TYW1B: variants seen among roughly 807,000 people sequenced by gnomAD.
The protein encoded by TYW1B is tRNA-yW synthesizing protein 1 homolog B.
A neutral mutation model predicts 86.9 loss-of-function variants in TYW1B; 73 were observed. That is an observed-to-expected ratio of 0.84 (90% CI 0.70 to 1.02). The LOEUF (loss-of-function observed/expected upper bound fraction) is 1.02, where lower values mean the gene tolerates loss of function less well. TYW1B is among the 50% of genes least tolerant of loss of function. The pLI, the probability that TYW1B is intolerant of heterozygous loss-of-function variation, is 0.00. For synonymous variants in TYW1B, 248 were observed against 292.8 expected (o/e 0.85, Z 1.56); for missense variants, 637 against 827.4 (o/e 0.77, Z 2.82).
chr7:72,775,461 A>T (rs1237685920), intron 7 of TYW1B, among the ~76,000 whole-genome samples: 1 of 152,196 alleles, frequency 6.6e-6, no homozygotes, highest in African/African-American at 2.4e-5. Flanking sequence ...AACAAACAAA[A>T]GGATGACTGC....
chr7:72,576,713 C>G (rs1237249671), intron 13 of TYW1B, among the ~76,000 whole-genome samples: 1 of 151,990 alleles, frequency 6.6e-6, no homozygotes, highest in African/African-American at 2.4e-5. Context: ...GGGGTTTCAC[C>G]GTGTTAGCCA....
At chr7:72,655,960 C>T (rs1813191899) in intron 11 of TYW1B, among the ~76,000 whole-genome samples, 1 of 152,198 alleles carries the variant, frequency 6.6e-6, no homozygotes, top group African/African-American at 2.4e-5. Context: ...CCTAAGAACC[C>T]ACAGGCCCAG....
chr7:72,630,835 G>A (rs551165620), intron 11 of TYW1B, among the ~76,000 whole-genome samples: 5 of 152,148 alleles, frequency 3.3e-5, no homozygotes, highest in South Asian at 2.1e-4. Context: ...TCCTTCCAAT[G>A]CCAAAAGCTA....
chr7:72,688,980 A>T (rs577951972), intron 11 of TYW1B, among the ~76,000 whole-genome samples: 2 of 152,350 alleles, frequency 1.3e-5, no homozygotes, highest in African/African-American at 4.8e-5. Flanking sequence ...ATAACATTTT[A>T]GCTAAGCAGA....
chr7:72,599,683 G>C (rs1311849706), intron 13 of TYW1B, among the ~76,000 whole-genome samples: 4 of 152,042 alleles, frequency 2.6e-5, no homozygotes, highest in African/African-American at 9.7e-5. Context: ...GGTGATTATA[G>C]CAAGGTTGTA....
At chr7:72,696,416 T>C (rs1412261908) in intron 10 of TYW1B, among the ~76,000 whole-genome samples, 8 of 152,232 alleles carry the variant, frequency 5.3e-5, no homozygotes, top group Non-Finnish European at 8.8e-5. Context: ...TTATTCCACA[T>C]TTCCACCTAG....
At chr7:72,785,777 T>C (rs201926179) in intron 6 of TYW1B, among the ~76,000 whole-genome samples, 4 of 152,118 alleles carry the variant, frequency 2.6e-5, no homozygotes, top group African/African-American at 4.8e-5. Flanking sequence ...TGGATGATCA[T>C]GCGGAAAGCA....
At chr7:72,787,416 T>A (rs1447847386) in intron 6 of TYW1B, among the ~76,000 whole-genome samples, 4 of 151,270 alleles carry the variant, frequency 2.6e-5, no homozygotes, top group Non-Finnish European at 4.4e-5. Flanking sequence ...TGAGCCAAGA[T>A]TGCACCACTG....
intron 11 of TYW1B, among the ~76,000 whole-genome samples, chr7:72,653,235 A>C (rs1305392666): frequency 2.6e-5 from 4 of 152,232 alleles, no homozygotes; most frequent in Non-Finnish European, 4.4e-5. Context: ...TTGGCTCTGG[A>C]AAAATAAAAT....
intron 9 of TYW1B, among the ~76,000 whole-genome samples, chr7:72,714,715 C>G (rs1327724179): frequency 6.6e-6 from 1 of 152,174 alleles, no homozygotes; most frequent in Admixed American, 6.5e-5. Flanking sequence ...GTCAGGAGTT[C>G]AACACCAGCC....
intron 7 of TYW1B, among the ~76,000 whole-genome samples, chr7:72,770,851 C>G (rs1242928106): frequency 2.0e-5 from 3 of 151,652 alleles, no homozygotes; most frequent in African/African-American, 7.3e-5. Context: ...ACTACTGATG[C>G]ATGTTACATG....
At chr7:72,711,327 A>G (rs1298375480) in intron 10 of TYW1B, among the ~76,000 whole-genome samples, 5 of 152,120 alleles carry the variant, frequency 3.3e-5, no homozygotes, top group Non-Finnish European at 7.3e-5. Flanking sequence ...CAGGCTTCTG[A>G]TAAACTCTCC....
At chr7:72,602,674 T>C (rs1304409079) in intron 13 of TYW1B, among the ~76,000 whole-genome samples, 3 of 152,170 alleles carry the variant, frequency 2.0e-5, no homozygotes, top group African/African-American at 7.2e-5. Context: ...TTACTGCCAG[T>C]GCCCAGCATG....
intron 6 of TYW1B, among the ~76,000 whole-genome samples, chr7:72,801,652 C>T (rs1554475617): frequency 6.6e-6 from 1 of 151,688 alleles, no homozygotes; most frequent in Admixed American, 6.6e-5. Context: ...ATAGTATGTA[C>T]AATATTACTT....
intron 6 of TYW1B, among the ~76,000 whole-genome samples, chr7:72,799,480 T>A (rs1479994799): frequency 6.8e-6 from 1 of 147,108 alleles, no homozygotes; most frequent in Non-Finnish European, 1.5e-5. Context: ...CCTTTTTTTC[T>A]TTTGAGACGG....
chr7:72,733,786 TATC>T (rs1787154426), intron 8 of TYW1B, among the ~76,000 whole-genome samples: 1 of 152,300 alleles, frequency 6.6e-6, no homozygotes. Context: ...TAGTTAAAGT[TATC>T]ATACCACCCA....
chr7:72,671,680 C>G (rs1813604168), intron 11 of TYW1B, among the ~76,000 whole-genome samples: 1 of 151,948 alleles, frequency 6.6e-6, no homozygotes, highest in Admixed American at 6.6e-5. Flanking sequence ...CCTTATTTTT[C>G]TATTTTCTTA....
At chr7:72,748,270 A>G (rs1466318007) in intron 7 of TYW1B, among the ~76,000 whole-genome samples, 1 of 150,548 alleles carries the variant, frequency 6.6e-6, no homozygotes, top group East Asian at 1.9e-4. Flanking sequence ...CTCCGCCTCA[A>G]AAAAAAAAAT....
At chr7:72,713,506 T>C (rs559746718) in intron 10 of TYW1B, 115 bp downstream of exon 10, 2 of 1,081,790 alleles carry the variant, frequency 1.8e-6, no homozygotes, top group Non-Finnish European at 2.6e-6. Flanking sequence ...AAGCCCAACA[T>C]TTGTATGTAG....
Sources: gnomAD v4.1 joint callset for allele counts (sites outside exome capture counted in the v4.1 genomes callset) on GRCh38, gnomAD v4.1.1 for gene constraint, MANE v1.5 for transcripts, NCBI Gene and HGNC (gene_info 2026-07-23, HGNC 2026-07-21) for gene names.